The following TMEM132D variants were observed in gnomAD, a reference collection of about 807,000 sequenced individuals.
TMEM132D encodes the protein transmembrane protein 132D.
In TMEM132D, 21 loss-of-function variants were observed where a neutral mutation model predicts 62.3. The observed-to-expected ratio is 0.34, with a 90% CI of 0.24 to 0.49. The LOEUF is 0.49. Among genes scored for constraint, TMEM132D ranks in the 20% least tolerant of loss-of-function variants. The pLI is 0.99. For synonymous variants in TMEM132D, 621 were observed against 575.6 expected (o/e 1.08, Z -1.13); for missense variants, 1,346 against 1,402.8 (o/e 0.96, Z 0.65).
Position 129,133,162 on chromosome 12 carries a change from A to AT in TMEM132D, c.1444-48461dup, listed in dbSNP as rs112304417. Among the ~76,000 whole-genome samples the AT allele has an allele frequency of 4.4e-3, 664 of 151,804 alleles. 5 individuals are homozygous for AT. The highest frequency in any genetic ancestry group is 0.015 in the African/African-American group (603 of 41,366). On this transcript the variant is annotated intron_variant, in intron 5 of 8. Coordinates refer to ENST00000422113, the MANE Select transcript of TMEM132D (RefSeq NM_133448.3). ...TTTCCCAGGCAGCAGATCTGCATCT[A>AT]TTTTTTTTCTAAAATTGTGATAAGA...
chr12:129,073,681 G>T lies in TMEM132D; in HGVS notation c.*194C>A, dbSNP rs1218635756. ...TGATAAACCTCTTAAGCAAGACACT[G>T]TACTCTGGAATGTGTGCGTCGATGC... On this transcript the variant is annotated 3_prime_UTR_variant, in exon 9 of 9. Transcript: ENST00000422113. 1.9e-6 allele frequency: 1 copy of T among 521,366 alleles called. No homozygotes were observed. The highest frequency in any genetic ancestry group is 3.7e-5 in the South Asian group (1 of 26,684). 32.3% of individuals were successfully genotyped at this position (521,366 alleles called of 1,614,324 possible). A position where few individuals can be genotyped will look rare whatever the true frequency, so the allele number is the denominator to read the frequency against.
At chr12:129,709,506 C>T (rs966401265) in intron 1 of TMEM132D, among the ~76,000 whole-genome samples, 1 of 152,220 alleles carries the variant, frequency 6.6e-6, no homozygotes, top group African/African-American at 2.4e-5. Flanking sequence ...ACCTTCTCCT[C>T]AGATTCTGAA....
At chr12:129,594,465 T>C (rs963331676) in intron 2 of TMEM132D, among the ~76,000 whole-genome samples, 1 of 152,188 alleles carries the variant, frequency 6.6e-6, no homozygotes, top group Non-Finnish European at 1.5e-5. Context: ...TTGGTTTCTA[T>C]GAGAAAAATG....
intron 3 of TMEM132D, among the ~76,000 whole-genome samples, chr12:129,425,825 A>G (rs1043950326): frequency 3.3e-5 from 5 of 152,258 alleles, no homozygotes; most frequent in Admixed American, 2.6e-4. Context: ...TCTAGTCTAC[A>G]GACTTGGAGA....
At chr12:129,638,006 T>A (rs1879532288) in intron 2 of TMEM132D, among the ~76,000 whole-genome samples, 1 of 152,090 alleles carries the variant, frequency 6.6e-6, no homozygotes, top group Non-Finnish European at 1.5e-5. Flanking sequence ...AAAATGAGAT[T>A]TGGGTGAGGA....
chr12:129,848,474 A>C lies in TMEM132D; in HGVS notation c.79+54787T>G, dbSNP rs554997514. ...TGAGTAAGTTGGTCCTAGCACTTAA[A>C]AAATCTGAACATCAAAAAGACACGT... is the stretch of plus-strand genomic sequence containing the variant. On this transcript the variant is annotated intron_variant, in intron 1 of 8. Coordinates refer to ENST00000422113, the MANE Select transcript of TMEM132D (RefSeq NM_133448.3). Among the ~76,000 whole-genome samples the C allele has an allele frequency of 2.0e-5, 3 of 152,346 alleles. No individual in the cohort carries two copies. The South Asian group carries it at 6.2e-4, about 32-fold the overall frequency.
At chr12:129,316,271 G>A (rs1868486288) in intron 4 of TMEM132D, among the ~76,000 whole-genome samples, 1 of 152,096 alleles carries the variant, frequency 6.6e-6, no homozygotes, top group Non-Finnish European at 1.5e-5. Context: ...TCTTTTTGAT[G>A]TAGGCGTTTA....
At chr12:129,226,498 G>A (rs775765361) in intron 4 of TMEM132D, among the ~76,000 whole-genome samples, 10 of 152,230 alleles carry the variant, frequency 6.6e-5, no homozygotes, top group African/African-American at 1.2e-4. Context: ...AGGATGTGGT[G>A]TCAAACTCCG....
At chr12:129,403,669 C>T (rs193230039) in intron 3 of TMEM132D, among the ~76,000 whole-genome samples, 4 of 152,156 alleles carry the variant, frequency 2.6e-5, no homozygotes, top group South Asian at 2.1e-4. Context: ...ACGGGGAAAA[C>T]GAGAGCAACA....
intron 4 of TMEM132D, among the ~76,000 whole-genome samples, chr12:129,258,772 C>A (rs1160134438): frequency 6.6e-6 from 1 of 152,120 alleles, no homozygotes; most frequent in African/African-American, 2.4e-5. Flanking sequence ...TTTTAAGGAA[C>A]TTATAGTGAG....
In TMEM132D at chr12:129,661,715, A is replaced by G. The variant is rs577938230; in HGVS notation, c.968+38095T>C. Among the ~76,000 whole-genome samples, 3 of 152,346 alleles carry G rather than the reference A, an allele frequency of 2.0e-5. No homozygotes were observed. In the East Asian group the frequency reaches 5.8e-4, roughly 29 times the overall value. ...CCTACAAAAATACAAGCGCACTGTC[A>G]TCAATGGCAAGGAACAAGAAAAATT... On this transcript the variant is annotated intron_variant, in intron 2 of 8. Transcript: ENST00000422113.
At chr12:129,194,298 C>T (rs1289592296) in intron 5 of TMEM132D, among the ~76,000 whole-genome samples, 2 of 152,248 alleles carry the variant, frequency 1.3e-5, no homozygotes, top group African/African-American at 4.8e-5. Context: ...CATAGGTTTA[C>T]TCTTTTCTGA....
At chr12:129,486,485 C>T (rs1175850183) in intron 3 of TMEM132D, among the ~76,000 whole-genome samples, 1 of 152,122 alleles carries the variant, frequency 6.6e-6, no homozygotes, top group Non-Finnish European at 1.5e-5. Context: ...GAGGGTGATA[C>T]TATGATCCCC....
chr12:129,770,140 G>GTTTTTTTTTTTTTTTTTT (rs375230592), intron 1 of TMEM132D, among the ~76,000 whole-genome samples: 1 of 104,310 alleles, frequency 9.6e-6, no homozygotes, highest in Non-Finnish European at 1.8e-5. Flanking sequence ...GGTTTTTTTG[G>GTTTTTTTTTTTTTTTTTT]TTGTTTTTTT....
At chr12:129,367,768 ATT>A (rs1870464888) in intron 3 of TMEM132D, among the ~76,000 whole-genome samples, 1 of 126,362 alleles carries the variant, frequency 7.9e-6, no homozygotes, top group African/African-American at 3.1e-5. Flanking sequence ...TTCTTTTTCC[ATT>A]TCTTTTCTTT....
intron 1 of TMEM132D, among the ~76,000 whole-genome samples, chr12:129,708,109 C>G (rs1343759767): frequency 6.6e-6 from 1 of 152,022 alleles, no homozygotes; most frequent in Non-Finnish European, 1.5e-5. Flanking sequence ...CCCAGCTAGT[C>G]AGGAGGCTGA....
intron 1 of TMEM132D, among the ~76,000 whole-genome samples, chr12:129,755,883 CT>C (rs1870153023): frequency 6.6e-6 from 1 of 152,196 alleles, no homozygotes; most frequent in Non-Finnish European, 1.5e-5. Flanking sequence ...CATGCCCACC[CT>C]ATCTCCAACA....
At chr12:129,336,499 A>T (rs1175238343) in intron 4 of TMEM132D, among the ~76,000 whole-genome samples, 1 of 151,984 alleles carries the variant, frequency 6.6e-6, no homozygotes, top group Non-Finnish European at 1.5e-5. Context: ...TCAACCCCGG[A>T]CGGCAAAGGT....
At chr12:129,147,804 C>A (rs542780016) in intron 5 of TMEM132D, among the ~76,000 whole-genome samples, 2 of 152,328 alleles carry the variant, frequency 1.3e-5, no homozygotes, top group East Asian at 3.9e-4. Context: ...TTGTAAGCAG[C>A]AAGCTTTTTG....
Sources: gnomAD v4.1 joint callset for allele counts (sites outside exome capture counted in the v4.1 genomes callset) on GRCh38, gnomAD v4.1.1 for gene constraint, MANE v1.5 for transcripts, NCBI Gene and HGNC (gene_info 2026-07-23, HGNC 2026-07-21) for gene names.